Variants in LCOR observed in about 807,000 individuals in gnomAD.
LCOR encodes the protein ligand-dependent corepressor.
A neutral mutation model predicts 64.4 loss-of-function variants in LCOR; 14 were observed. The ratio of observed to expected loss-of-function variants is 0.22; its 90% CI spans 0.14 to 0.34. The LOEUF (loss-of-function observed/expected upper bound fraction) is 0.34, where lower values mean the gene tolerates loss of function less well. LCOR is among the 10% of genes least tolerant of loss of function. The probability of loss-of-function intolerance (pLI) is 1.00; values close to 1 mark genes in which losing one functional copy is unlikely to be tolerated. For synonymous variants in LCOR, 643 were observed against 642.5 expected, an observed-to-expected ratio of 1.00 and a Z score of -0.01; for missense variants, 1,686 against 1,765.3, an observed-to-expected ratio of 0.96 and a Z score of 0.80.
chr10:96,984,972 T>C lies in LCOR; in HGVS notation c.4512T>C (p.Ser1504=). 6.2e-7 allele frequency: 1 copy of C among 1,614,154 alleles called. No individual in the cohort carries two copies. The highest frequency in any genetic ancestry group is 8.5e-7 in the Non-Finnish European group (1 of 1,180,032). The change falls in exon 8 of 8, where the codon TCT becomes TCC. Residue 1504 remains serine (S), a synonymous_variant. Transcript: ENST00000421806. ...PAKQKGAGES[S]SRPQKATNRK... ...AACAGAAGGGGGCCGGTGAATCCTCTTCAAGGCCTCAGAAAGCCACGAATA... is the reference window on the plus strand; with the variant it reads ...AACAGAAGGGGGCCGGTGAATCCTCCTCAAGGCCTCAGAAAGCCACGAATA...
At position 96,957,716 on chromosome 10, in the gene LCOR, T is replaced by A. The variant is rs1429629165; in HGVS notation, c.332+5520T>A. The A allele has an allele frequency of 8.1e-6, 8 of 985,276 alleles. No homozygotes were observed. The East Asian group carries it at 9.1e-4, about 112-fold the overall frequency. The allele number at this position is 985,276 out of a possible 1,614,324, so 61.0% of individuals were successfully genotyped here. ...GAGCAATTAATTAAATTAGGTTAAG[T>A]TTTCCCTCAGCAACCTGTGTGTTCA... On this transcript the variant is annotated intron_variant, in intron 7 of 7. Coordinates refer to ENST00000421806, the MANE Select transcript of LCOR (RefSeq NM_001346516.2).
intron 2 of LCOR, among the ~76,000 whole-genome samples, chr10:96,902,813 A>G (rs1846662571): frequency 6.6e-6 from 1 of 152,210 alleles, no homozygotes; most frequent in Non-Finnish European, 1.5e-5. Context: ...GATACTTTGT[A>G]AAATATAATA....
rs771812115 is a variant in LCOR, at chr10:96,982,890, T to C, written c.2430T>C (p.Pro810=). The change falls in exon 8 of 8, where the codon CCT becomes CCC. Residue 810 remains proline, a synonymous_variant. Coordinates refer to ENST00000421806, the MANE Select transcript of LCOR (RefSeq NM_001346516.2). ...LDKKKKGKKF[P]EASDRCLRSQ... ...AGAAGAAAAAAGGTAAAAAATTCCCTGAGGCCTCTGATAGGTGCCTAAGAA... is the reference window on the plus strand; with the variant it reads ...AGAAGAAAAAAGGTAAAAAATTCCCCGAGGCCTCTGATAGGTGCCTAAGAA... 1 of 1,614,112 alleles carries C rather than the reference T, an allele frequency of 6.2e-7. No homozygotes were observed. The highest frequency in any genetic ancestry group is 8.5e-7 in the Non-Finnish European group (1 of 1,180,044).
At chr10:96,854,485 C>A (rs754234315) in intron 2 of LCOR, among the ~76,000 whole-genome samples, 6 of 152,118 alleles carry the variant, frequency 3.9e-5, no homozygotes, top group Non-Finnish European at 8.8e-5. Context: ...CGCCACCACA[C>A]CCAGCTAATT....
intron 7 of LCOR, chr10:96,955,371 G>T: frequency 6.2e-7 from 1 of 1,614,176 alleles, no homozygotes; most frequent in Non-Finnish European, 8.5e-7. Context: ...TTCATCTCCT[G>T]TAGATTTAAA....
chr10:96,995,286 C>G lies in LCOR; in HGVS notation c.*10152C>G, dbSNP rs1336091959. On this transcript the variant is annotated 3_prime_UTR_variant, in exon 8 of 8. Transcript: ENST00000421806. The surrounding 1 kb of genome is among the most constrained non-coding windows in gnomAD (Gnocchi z 4.2). ...AGTCTTAGCCAGTGATCCAGCTGCC[C>G]AAGGACAGGGCCTCCAGAGGGCCTA... 6.6e-6 allele frequency: 1 copy of G among 152,238 alleles called. No individual in the cohort carries two copies. Among genetic ancestry groups the G allele is most frequent in the Non-Finnish European group, 1.5e-5 (1 of 68,068 alleles). The allele number at this position is 152,238 out of a possible 1,614,324, so 9.4% of individuals were successfully genotyped here.
chr10:96,854,989 A>T (rs1466915663), intron 2 of LCOR, among the ~76,000 whole-genome samples: 1 of 152,098 alleles, frequency 6.6e-6, no homozygotes, highest in Non-Finnish European at 1.5e-5. Context: ...TTATGGCAGT[A>T]GCATCTTGAT....
chr10:96,928,349 G>A (rs577144351), intron 4 of LCOR, among the ~76,000 whole-genome samples: 1 of 152,160 alleles, frequency 6.6e-6, no homozygotes, highest in East Asian at 1.9e-4. Flanking sequence ...TTCACCAGGA[G>A]TAGATTCCAT....
chr10:96,937,872 A>G (rs1393424141), intron 4 of LCOR, among the ~76,000 whole-genome samples: 2 of 152,378 alleles, frequency 1.3e-5, no homozygotes, highest in Middle Eastern at 3.4e-3. Context: ...AAAATTTGCA[A>G]CATATAAAAA....
intron 2 of LCOR, among the ~76,000 whole-genome samples, chr10:96,862,656 A>G (rs1428668638): frequency 3.9e-5 from 6 of 152,138 alleles, no homozygotes; most frequent in Non-Finnish European, 8.8e-5. Flanking sequence ...GGTGGGTTGC[A>G]AGTCTCAACC....
At chr10:96,880,941 G>GC (rs1846252776) in intron 2 of LCOR, among the ~76,000 whole-genome samples, 1 of 152,194 alleles carries the variant, frequency 6.6e-6, no homozygotes, top group Non-Finnish European at 1.5e-5. Context: ...AACTAATATT[G>GC]AAGATGCATA....
At chr10:96,946,619 T>A (rs1011242175) in intron 5 of LCOR, among the ~76,000 whole-genome samples, 3 of 152,096 alleles carry the variant, frequency 2.0e-5, no homozygotes, top group Admixed American at 6.5e-5. Context: ...GTGGATATGT[T>A]TGTAGATGTG....
chr10:96,918,894 C>T (rs897961592), intron 4 of LCOR, among the ~76,000 whole-genome samples: 2 of 152,224 alleles, frequency 1.3e-5, no homozygotes, highest in African/African-American at 4.8e-5. Flanking sequence ...AACTGTACTT[C>T]TCTCATCTGC....
chr10:96,938,849 A>C (rs555766816), intron 4 of LCOR, among the ~76,000 whole-genome samples: 6 of 152,246 alleles, frequency 3.9e-5, no homozygotes, highest in Non-Finnish European at 7.3e-5. Flanking sequence ...TATGTTGTAA[A>C]TTACAAAATG....
intron 2 of LCOR, among the ~76,000 whole-genome samples, chr10:96,879,475 C>T (rs2134417276): frequency 6.6e-6 from 1 of 152,240 alleles, no homozygotes. Flanking sequence ...CTAATGAGTA[C>T]TTCCGTAGCT....
At chr10:96,901,268 T>A (rs1357295600) in intron 2 of LCOR, among the ~76,000 whole-genome samples, 1 of 152,184 alleles carries the variant, frequency 6.6e-6, no homozygotes, top group Non-Finnish European at 1.5e-5. Context: ...GTCCTTCCAC[T>A]TAAGCTTCCC....
chr10:96,915,756 C>T (rs918823425), intron 4 of LCOR: 5 of 636,228 alleles, frequency 7.9e-6, no homozygotes, highest in African/African-American at 1.8e-5. Context: ...GGTACCTTCT[C>T]TCCCTCCTTT....
At chr10:96,873,571 C>CGTGTGTGTGTGTGT (rs55893181) in intron 2 of LCOR, among the ~76,000 whole-genome samples, 277 of 126,374 alleles carry the variant, frequency 2.2e-3, no homozygotes, top group East Asian at 5.2e-3. Flanking sequence ...CACACACACA[C>CGTGTGTGTGTGTGT]GTGTGTGTGT....
chr10:96,909,627 T>C (rs1323858124), intron 4 of LCOR, among the ~76,000 whole-genome samples: 1 of 152,256 alleles, frequency 6.6e-6, no homozygotes, highest in African/African-American at 2.4e-5. Context: ...TGTTGGCAAG[T>C]TGCTTTAAAA....
Sources: allele counts gnomAD v4.1 joint callset (sites outside exome capture counted in the v4.1 genomes callset), GRCh38; gene constraint gnomAD v4.1.1; non-coding constraint Gnocchi (gnomAD v3.1); transcripts MANE v1.5; gene names NCBI Gene and HGNC (gene_info 2026-07-23, HGNC 2026-07-21).